Variants in DNER observed in about 807,000 individuals in gnomAD.
DNER encodes the protein delta and Notch-like epidermal growth factor-related receptor.
DNER carries 33 observed loss-of-function variants against 78.2 expected under a neutral mutation model. The observed-to-expected ratio is 0.42, with a 90% CI of 0.32 to 0.56. DNER has a LOEUF of 0.56. Among genes scored for constraint, DNER ranks in the 20% least tolerant of loss-of-function variants. DNER has a pLI of 0.11. For synonymous variants in DNER, 417 were observed against 384.8 expected, an observed-to-expected ratio of 1.08 and a Z score of -0.98; for missense variants, 918 against 975.3, an observed-to-expected ratio of 0.94 and a Z score of 0.78.
chr2:229,359,655 G>T (rs1692167747), intron 12 of DNER, among the ~76,000 whole-genome samples: 4 of 152,152 alleles, frequency 2.6e-5, no homozygotes. Flanking sequence ...GGGCTTATTT[G>T]CCATGGCTCC....
At position 229,366,979 on chromosome 2, in the gene DNER, G is replaced by A. The variant is rs749718515; in HGVS notation, c.1996C>T (p.Arg666Cys). Residue 666 changes from arginine to cysteine, a missense_variant, in exon 12 of 13, where the codon CGC (arginine) becomes TGC (cysteine). Coordinates refer to ENST00000341772, the MANE Select transcript of DNER (RefSeq NM_139072.4). ...ILIVGICRIS[R>C]IEYQGSSRPA... ...CTGGAAGAACCCTGGTATTCAATGC[G>A]GCTGATGCGGCAAATCCCCACGATC... 1.4e-5 allele frequency: 22 copies of A among 1,613,994 alleles called. No individual in the cohort carries two copies. Among genetic ancestry groups the A allele is most frequent in the Middle Eastern group, 1.6e-4 (1 of 6,084 alleles).
chr2:229,682,479 T>A (rs948025626), intron 1 of DNER, among the ~76,000 whole-genome samples: 1 of 152,216 alleles, frequency 6.6e-6, no homozygotes, highest in Non-Finnish European at 1.5e-5. Flanking sequence ...TTCTTCTTAC[T>A]GATATAATCA....
intron 1 of DNER, among the ~76,000 whole-genome samples, chr2:229,652,291 G>A (rs530299494): frequency 2.4e-4 from 37 of 152,230 alleles, no homozygotes; most frequent in South Asian, 1.2e-3. Flanking sequence ...CCTCATTCTC[G>A]TTCTCATTCT....
At position 229,547,782 on chromosome 2, in the gene DNER, C is replaced by T. The variant is rs115375250; in HGVS notation, c.848-690G>A. Among the ~76,000 whole-genome samples, 456 of 152,254 alleles carry T rather than the reference C, an allele frequency of 3.0e-3. 1 individual carries two copies. The highest frequency in any genetic ancestry group is 3.9e-3 in the Non-Finnish European group (267 of 68,026). ...ATGGATTGCAGTATCATTGACACAC[C>T]GTATTTGTCATTGAATGATCTTTAT... On this transcript the variant is annotated intron_variant, in intron 4 of 12. Coordinates refer to ENST00000341772, the MANE Select transcript of DNER (RefSeq NM_139072.4).
In DNER at chr2:229,388,372, T is replaced by A. The variant is rs1436884612; in HGVS notation, c.1748A>T (p.Asn583Ile). ...FTGEECDIDI[N>I]ECDSNPCHHG... Reference sequence around the variant, plus strand: ...GTGGCAGGGGTTACTGTCACATTCATTTATGTCAATGTCGCACTCTTCACC... The same window carrying A: ...GTGGCAGGGGTTACTGTCACATTCAATTATGTCAATGTCGCACTCTTCACC... The change falls in exon 11 of 13, where the codon AAT (asparagine) becomes ATT (isoleucine). Residue 583 changes from asparagine (N) to isoleucine (I), a missense_variant. Asn to Ile is a moderately radical substitution (Grantham distance 149, BLOSUM62 -3). Transcript: ENST00000341772. 6 of 1,611,500 alleles carry A rather than the reference T, an allele frequency of 3.7e-6. No individual in the cohort carries two copies. The highest frequency in any genetic ancestry group is 5.1e-6 in the Non-Finnish European group (6 of 1,178,866).
chr2:229,603,544 GT>G (rs1697875049), intron 1 of DNER, among the ~76,000 whole-genome samples: 1 of 152,128 alleles, frequency 6.6e-6, no homozygotes, highest in African/African-American at 2.4e-5. Flanking sequence ...CAAACACAAT[GT>G]TTTTTCCACT....
chr2:229,402,015 A>G (rs1434885246), intron 10 of DNER, among the ~76,000 whole-genome samples: 1 of 152,198 alleles, frequency 6.6e-6, no homozygotes, highest in Admixed American at 6.5e-5. Context: ...AACTCAAAAC[A>G]GACTCTACAC....
At chr2:229,397,681 CACCGTAATTAAATCAA>C (rs575459879) in intron 10 of DNER, among the ~76,000 whole-genome samples, 26 of 152,228 alleles carry the variant, frequency 1.7e-4, no homozygotes, top group African/African-American at 6.3e-4. Context: ...AGTGTTCTCT[CACCGTAATTAAATCAA>C]ACTAGATATC....
intron 1 of DNER, among the ~76,000 whole-genome samples, chr2:229,697,035 A>C (rs2154217542): frequency 1.3e-5 from 2 of 152,338 alleles, no homozygotes; most frequent in Middle Eastern, 6.8e-3. Flanking sequence ...TCAAACACAC[A>C]CTTGTACGAG....
chr2:229,518,592 C>T (rs1696030906), intron 5 of DNER, among the ~76,000 whole-genome samples: 2 of 152,188 alleles, frequency 1.3e-5, no homozygotes, highest in African/African-American at 4.8e-5. Flanking sequence ...GAATTCAACC[C>T]TTCCTCCACA....
chr2:229,567,573 G>T (rs1298767246), intron 4 of DNER, among the ~76,000 whole-genome samples: 1 of 152,158 alleles, frequency 6.6e-6, no homozygotes, highest in Non-Finnish European at 1.5e-5. Flanking sequence ...ACCAAAAACA[G>T]CCCTGACCAT....
At chr2:229,449,841 T>G (rs557510797) in intron 7 of DNER, among the ~76,000 whole-genome samples, 16 of 152,258 alleles carry the variant, frequency 1.1e-4, no homozygotes, top group Non-Finnish European at 2.2e-4. Context: ...TGGAGTGCAA[T>G]GGCACAATCT....
chr2:229,687,677 AT>A (rs1397515921), intron 1 of DNER, among the ~76,000 whole-genome samples: 1 of 152,186 alleles, frequency 6.6e-6, no homozygotes, highest in Non-Finnish European at 1.5e-5. Flanking sequence ...AAATGAACAA[AT>A]TTCCATACCC....
chr2:229,459,423 TGTTAA>T (rs1348315321), intron 7 of DNER, among the ~76,000 whole-genome samples: 10 of 152,132 alleles, frequency 6.6e-5, no homozygotes, highest in Non-Finnish European at 1.5e-5. Context: ...GAAATTGTTG[TGTTAA>T]AAGTAATAGA....
At chr2:229,661,122 T>A (rs1465390874) in intron 1 of DNER, among the ~76,000 whole-genome samples, 2 of 152,200 alleles carry the variant, frequency 1.3e-5, no homozygotes, top group African/African-American at 2.4e-5. Context: ...TGATGACTCA[T>A]AAGCATAAAG....
At chr2:229,484,351 T>C (rs549931741) in intron 6 of DNER, among the ~76,000 whole-genome samples, 38 of 152,316 alleles carry the variant, frequency 2.5e-4, no homozygotes, top group African/African-American at 8.7e-4. Context: ...ACATCTAACT[T>C]GGGAAACACT....
chr2:229,435,031 G>C (rs1320461775), intron 8 of DNER, among the ~76,000 whole-genome samples: 1 of 151,642 alleles, frequency 6.6e-6, no homozygotes, highest in Admixed American at 6.6e-5. Context: ...AAAAAAAATA[G>C]CTACAAGTTC....
At chr2:229,483,886 C>G (rs1433284300) in intron 6 of DNER, among the ~76,000 whole-genome samples, 1 of 152,204 alleles carries the variant, frequency 6.6e-6, no homozygotes, top group East Asian at 1.9e-4. Context: ...ACCTCCCCAC[C>G]CAGAAGGTGA....
chr2:229,495,272 T>C (rs148624568), intron 6 of DNER, among the ~76,000 whole-genome samples: 2,231 of 152,348 alleles, frequency 0.015, 17 homozygotes, highest in Admixed American at 0.022. Context: ...CCAAGGTTTT[T>C]GCCACTTTAT....
Sources: gnomAD v4.1 joint callset for allele counts (sites outside exome capture counted in the v4.1 genomes callset) on GRCh38, gnomAD v4.1.1 for gene constraint, MANE v1.5 for transcripts, NCBI Gene and HGNC (gene_info 2026-07-23, HGNC 2026-07-21) for gene names.